The following CSMD1 variants were observed in gnomAD, a reference collection of about 807,000 sequenced individuals.
CSMD1 encodes CUB and Sushi multiple domains 1.
Under a neutral mutation model 417.5 loss-of-function variants are expected in CSMD1, and 213 were observed. The ratio of observed to expected loss-of-function variants is 0.51; its 90% CI spans 0.46 to 0.57. CSMD1 has a LOEUF of 0.57. CSMD1 is among the 20% of genes least tolerant of loss of function. The pLI is 0.00. For synonymous variants in CSMD1, 2,862 were observed against 1,736.8 expected (o/e 1.65, Z -16.11); for missense variants, 6,923 against 4,529.7 (o/e 1.53, Z -15.17).
At chr8:3,841,250 A>G (rs1191491880) in intron 5 of CSMD1, among the ~76,000 whole-genome samples, 1 of 152,204 alleles carries the variant, frequency 6.6e-6, no homozygotes, top group Admixed American at 6.6e-5. Flanking sequence ...GAAAAGTTTT[A>G]AATAGTTCAT....
At chr8:4,964,281 A>AG (rs748917241) in intron 1 of CSMD1, among the ~76,000 whole-genome samples, 2 of 151,966 alleles carry the variant, frequency 1.3e-5, no homozygotes, top group Non-Finnish European at 2.9e-5. Context: ...TGGGAGGCAA[A>AG]GGGGGGCAAA....
chr8:3,478,406 C>T (rs567259219), intron 11 of CSMD1, among the ~76,000 whole-genome samples: 44 of 152,184 alleles, frequency 2.9e-4, no homozygotes, highest in Non-Finnish European at 6.0e-4. Flanking sequence ...ATATGGACTG[C>T]CAGTCCTCAT....
chr8:3,711,909 A>C (rs4875777), intron 6 of CSMD1, among the ~76,000 whole-genome samples: 142,289 of 152,140 alleles, frequency 0.94, 67,222 homozygotes, highest in Non-Finnish European at 1. Flanking sequence ...ACAAACAGAG[A>C]TCTGTTTACT....
At chr8:3,281,699 C>T (rs1322780149) in intron 26 of CSMD1, among the ~76,000 whole-genome samples, 2 of 152,144 alleles carry the variant, frequency 1.3e-5, no homozygotes, top group African/African-American at 2.4e-5. Flanking sequence ...ACAGGCAGAA[C>T]ACAGGGAATT....
At chr8:3,458,009 C>T (rs879804628) in intron 12 of CSMD1, among the ~76,000 whole-genome samples, 5 of 152,154 alleles carry the variant, frequency 3.3e-5, no homozygotes, top group Non-Finnish European at 4.4e-5. Context: ...TTTCATAATT[C>T]GCAAATATCA....
chr8:3,234,269 A>G (rs1350665043), intron 26 of CSMD1, among the ~76,000 whole-genome samples: 1 of 152,126 alleles, frequency 6.6e-6, no homozygotes, highest in Non-Finnish European at 1.5e-5. Flanking sequence ...CAATTTGAAA[A>G]TCCAAAACCA....
chr8:4,260,858 G>C (rs12677331), intron 3 of CSMD1, among the ~76,000 whole-genome samples: 1 of 152,016 alleles, frequency 6.6e-6, no homozygotes, highest in Non-Finnish European at 1.5e-5. Context: ...TTTTTTGTTA[G>C]AAAGACAAAT....
chr8:4,790,613 G>C lies in CSMD1; in HGVS notation c.86-153055C>G, dbSNP rs560807863. 2.0e-5 allele frequency among the ~76,000 whole-genome samples: 3 copies of C among 152,228 alleles called. No homozygotes were observed. The East Asian group carries it at 5.8e-4, about 29-fold the overall frequency. ...CAAGCTACAGTAACTAAAACAGCAC[G>C]GTACTGGTACAAAAGCAGACACATA... is the stretch of plus-strand genomic sequence containing the variant. On this transcript the variant is annotated intron_variant, in intron 1 of 69. Transcript: ENST00000635120.
rs1311793074 is a variant in CSMD1, at chr8:4,994,828, G to A, written c.-412C>T. On this transcript the variant is annotated 5_prime_UTR_variant, in exon 1 of 70. Coordinates refer to ENST00000635120, the MANE Select transcript of CSMD1 (RefSeq NM_033225.6). ...TGGGAGATGCGGGGAGGGGGGCGCG[G>A]GGGGGAGGAGAGATCCAGTCTAGAG... 5.5e-5 allele frequency: 4 copies of A among 73,382 alleles called. No homozygotes were observed. The highest frequency in any genetic ancestry group is 4.7e-4 in the Admixed American group (3 of 6,392). The allele number at this position is 73,382 out of a possible 1,614,324, so 4.5% of individuals were successfully genotyped here.
At chr8:3,170,847 G>C (rs1000201953) in intron 37 of CSMD1, among the ~76,000 whole-genome samples, 1 of 152,148 alleles carries the variant, frequency 6.6e-6, no homozygotes, top group Non-Finnish European at 1.5e-5. Context: ...CCACTGATTG[G>C]ACATTATTAC....
intron 2 of CSMD1, among the ~76,000 whole-genome samples, chr8:4,621,368 G>T (rs1345901062): frequency 5.9e-5 from 9 of 152,052 alleles, no homozygotes. Flanking sequence ...AACAATTTTG[G>T]ATTTTGGAAC....
intron 12 of CSMD1, among the ~76,000 whole-genome samples, chr8:3,426,788 T>G (rs1813868972): frequency 6.6e-6 from 1 of 152,226 alleles, no homozygotes; most frequent in Admixed American, 6.5e-5. Flanking sequence ...TAATGGGTTG[T>G]GCCCAGTTAG....
At chr8:3,265,941 G>A (rs1040668154) in intron 26 of CSMD1, among the ~76,000 whole-genome samples, 9 of 151,994 alleles carry the variant, frequency 5.9e-5, no homozygotes, top group African/African-American at 2.4e-5. Context: ...CCAGGGAAAG[G>A]GGTCCAGTTT....
intron 50 of CSMD1, among the ~76,000 whole-genome samples, chr8:3,035,819 G>C (rs548266773): frequency 6.6e-5 from 10 of 152,298 alleles, no homozygotes; most frequent in African/African-American, 2.4e-4. Flanking sequence ...CAACTTGCCA[G>C]TTTACCTTAT....
intron 57 of CSMD1, among the ~76,000 whole-genome samples, chr8:2,969,595 G>A (rs1215250819): frequency 6.6e-6 from 1 of 152,052 alleles, no homozygotes; most frequent in Non-Finnish European, 1.5e-5. Context: ...AGATTTAGAG[G>A]AAATAATTTC....
chr8:4,958,155 C>G (rs17071892), intron 1 of CSMD1, among the ~76,000 whole-genome samples: 2,157 of 152,242 alleles, frequency 0.014, 42 homozygotes, highest in African/African-American at 0.048. Flanking sequence ...TTCCCTCAAA[C>G]AAAATGTTGT....
At chr8:3,093,564 A>G (rs907504340) in intron 47 of CSMD1, among the ~76,000 whole-genome samples, 3 of 152,042 alleles carry the variant, frequency 2.0e-5, no homozygotes, top group Admixed American at 2.0e-4. Context: ...GCTACTCAGG[A>G]GGCTGAGGCA....
chr8:4,978,030 C>G (rs2117414641), intron 1 of CSMD1, among the ~76,000 whole-genome samples: 1 of 152,314 alleles, frequency 6.6e-6, no homozygotes. Context: ...GAGAGAGATA[C>G]ACATTCACTT....
chr8:3,798,119 G>A (rs1563091543), intron 5 of CSMD1, among the ~76,000 whole-genome samples: 2 of 151,760 alleles, frequency 1.3e-5, no homozygotes, highest in African/African-American at 4.8e-5. Flanking sequence ...TTTATTTAGA[G>A]GAATTCAGTA....
Sources: gnomAD v4.1 joint callset for allele counts (sites outside exome capture counted in the v4.1 genomes callset) on GRCh38, gnomAD v4.1.1 for gene constraint, MANE v1.5 for transcripts, NCBI Gene and HGNC (gene_info 2026-07-23, HGNC 2026-07-21) for gene names.